The following NOL10 variants were observed in gnomAD, a reference collection of about 807,000 sequenced individuals.
NOL10 encodes nucleolar protein 10.
Under a neutral mutation model 103.5 loss-of-function variants are expected in NOL10, and 58 were observed. The ratio of observed to expected loss-of-function variants is 0.56; its 90% confidence interval spans 0.45 to 0.70. The LOEUF (loss-of-function observed/expected upper bound fraction) is 0.70, where lower values mean the gene tolerates loss of function less well. NOL10 is among the 30% of genes least tolerant of loss of function. NOL10 has a pLI of 0.00. For missense variants in NOL10, 763 were observed against 807.3 expected (o/e 0.95, Z 0.67); for synonymous variants, 287 against 282.5 (o/e 1.02, Z -0.16).
intron 19 of NOL10, among the ~76,000 whole-genome samples, chr2:10,581,578 G>C (rs543252974): frequency 6.6e-6 from 1 of 152,322 alleles, no homozygotes; most frequent in African/African-American, 2.4e-5. Flanking sequence ...TGCAATTCCA[G>C]CATTTTGGGA....
At chr2:10,653,274 G>C (rs1679604861) in intron 12 of NOL10, among the ~76,000 whole-genome samples, 1 of 151,948 alleles carries the variant, frequency 6.6e-6, no homozygotes, top group Admixed American at 6.6e-5. Context: ...AAGGTCAAGG[G>C]AGCTGTACCT....
At chr2:10,613,894 A>G (rs1245902137) in intron 13 of NOL10, among the ~76,000 whole-genome samples, 1 of 152,178 alleles carries the variant, frequency 6.6e-6, no homozygotes, top group Non-Finnish European at 1.5e-5. Flanking sequence ...AAACAATAAC[A>G]ACAATAAAAA....
At chr2:10,664,399 C>T (rs1680443513) in intron 8 of NOL10, among the ~76,000 whole-genome samples, 1 of 148,556 alleles carries the variant, frequency 6.7e-6, no homozygotes, top group South Asian at 2.1e-4. Context: ...GGAAACAAAG[C>T]AAGACTGTCT....
At chr2:10,675,698 T>TA in intron 4 of NOL10, 96 bp downstream of exon 4, 1 of 701,720 alleles carries the variant, frequency 1.4e-6, no homozygotes, top group South Asian at 1.9e-5. Context: ...TATACAGCAA[T>TA]AAAAAACTAA....
intron 12 of NOL10, among the ~76,000 whole-genome samples, chr2:10,652,644 G>A (rs1438656849): frequency 3.3e-5 from 5 of 152,036 alleles, no homozygotes; most frequent in East Asian, 1.9e-4. Context: ...ATTCCCATCC[G>A]GTTTCTCAGC....
chr2:10,605,922 C>T (rs1265117239), intron 14 of NOL10, among the ~76,000 whole-genome samples: 1 of 152,178 alleles, frequency 6.6e-6, no homozygotes, highest in Non-Finnish European at 1.5e-5. Context: ...CTAATGGTAA[C>T]ATGATTCTGT....
At chr2:10,632,227 G>A (rs73167864) in intron 13 of NOL10, among the ~76,000 whole-genome samples, 2,195 of 152,222 alleles carry the variant, frequency 0.014, 66 homozygotes, top group African/African-American at 0.05. Flanking sequence ...CAGGGAAAAA[G>A]ACAAAATGAC....
intron 20 of NOL10, among the ~76,000 whole-genome samples, chr2:10,577,205 C>T (rs1674498564): frequency 2.0e-5 from 3 of 152,152 alleles, no homozygotes; most frequent in African/African-American, 4.8e-5. Flanking sequence ...TATCAGAACT[C>T]GCCAATTCCC....
At chr2:10,664,368 C>T (rs1016812284) in intron 8 of NOL10, among the ~76,000 whole-genome samples, 3 of 151,820 alleles carry the variant, frequency 2.0e-5, no homozygotes, top group African/African-American at 7.3e-5. Context: ...GCAGACATTG[C>T]GGTGAGCCGA....
At chr2:10,638,014 A>T (rs537394317) in intron 13 of NOL10, among the ~76,000 whole-genome samples, 2 of 152,304 alleles carry the variant, frequency 1.3e-5, no homozygotes, top group Non-Finnish European at 2.9e-5. Context: ...AGGTGCAGTG[A>T]CTTACACCTG....
chr2:10,625,010 G>A (rs1481668379), intron 13 of NOL10, among the ~76,000 whole-genome samples: 1 of 152,172 alleles, frequency 6.6e-6, no homozygotes, highest in Non-Finnish European at 1.5e-5. Context: ...TTAAGTGAAA[G>A]AAGCCAATCT....
In NOL10 at chr2:10,587,128, TAC is replaced by T. The variant is rs1241791402; in HGVS notation, c.1844+1913_1844+1914del. ...ATATATACATATATATACATATATA[TAC>T]ATATATACACATATATATACATATA... On this transcript the variant is annotated intron_variant, in intron 19 of 20. Coordinates refer to ENST00000381685, the MANE Select transcript of NOL10 (RefSeq NM_024894.4). 3.1e-3 allele frequency among the ~76,000 whole-genome samples: 83 copies of T among 27,138 alleles called. 14 individuals are homozygous for T. Among genetic ancestry groups the T allele is most frequent in the Middle Eastern group, 0.014 (1 of 74 alleles). 17.8% of individuals were successfully genotyped at this position (27,138 alleles called of 152,430 possible). A position where few individuals can be genotyped will look rare whatever the true frequency, so the allele number is the denominator to read the frequency against.
chr2:10,669,753 G>C (rs920603525), intron 6 of NOL10, among the ~76,000 whole-genome samples: 1 of 151,702 alleles, frequency 6.6e-6, no homozygotes, highest in Non-Finnish European at 1.5e-5. Flanking sequence ...TTACCTGGGC[G>C]TGGCGGCGCA....
At chr2:10,619,171 G>C (rs1382837901) in intron 13 of NOL10, among the ~76,000 whole-genome samples, 1 of 152,144 alleles carries the variant, frequency 6.6e-6, no homozygotes, top group Non-Finnish European at 1.5e-5. Context: ...TTATGAGACA[G>C]AGTCTTGTTC....
intron 13 of NOL10, among the ~76,000 whole-genome samples, chr2:10,612,336 C>A (rs1229401081): frequency 6.6e-6 from 1 of 152,072 alleles, no homozygotes; most frequent in African/African-American, 2.4e-5. Context: ...GACAAAGAAC[C>A]AAAGTCTACT....
chr2:10,681,751 G>C (rs1264589750), intron 3 of NOL10, among the ~76,000 whole-genome samples: 1 of 152,176 alleles, frequency 6.6e-6, no homozygotes, highest in Admixed American at 6.5e-5. Flanking sequence ...CATGAACAAA[G>C]AGACAGATGC....
At chr2:10,600,433 T>C (rs977169615) in intron 17 of NOL10, among the ~76,000 whole-genome samples, 15 of 152,180 alleles carry the variant, frequency 9.9e-5, no homozygotes, top group African/African-American at 3.1e-4. Context: ...CGTTTAACAA[T>C]AGAAGGATTG....
At chr2:10,632,482 C>T (rs1479041014) in intron 13 of NOL10, among the ~76,000 whole-genome samples, 2 of 152,162 alleles carry the variant, frequency 1.3e-5, no homozygotes, top group African/African-American at 4.8e-5. Flanking sequence ...GTCTAGAGTA[C>T]ACCCTGCAAG....
At chr2:10,604,386 T>C (rs1023964236) in intron 14 of NOL10, among the ~76,000 whole-genome samples, 1 of 152,250 alleles carries the variant, frequency 6.6e-6, no homozygotes. Context: ...AAATAGTATA[T>C]GTTATAGAAC....
Sources: allele counts gnomAD v4.1 joint callset (sites outside exome capture counted in the v4.1 genomes callset), GRCh38; gene constraint gnomAD v4.1.1; transcripts MANE v1.5; gene names NCBI Gene and HGNC (gene_info 2026-07-23, HGNC 2026-07-21).